GABRG2: variants seen among roughly 807,000 people sequenced by gnomAD.
GABRG2 encodes the protein gamma-aminobutyric acid receptor subunit gamma-2.
GABRG2 carries 16 observed loss-of-function variants against 56.4 expected under a neutral mutation model. The ratio of observed to expected loss-of-function variants is 0.28; its 90% confidence interval spans 0.19 to 0.43. The LOEUF is 0.43. Ranked by LOEUF, GABRG2 falls within the 20% of genes least tolerant of loss-of-function variation. The pLI, the probability that GABRG2 is intolerant of heterozygous loss-of-function variation, is 1.00. For synonymous variants in GABRG2, 208 were observed against 205.5 expected, an observed-to-expected ratio of 1.01 and a Z score of -0.10; for missense variants, 327 against 582.7, an observed-to-expected ratio of 0.56 and a Z score of 4.52.
chr5:162,073,043 A>G lies in GABRG2; in HGVS notation c.107+4937A>G, dbSNP rs548752563. On this transcript the variant is annotated intron_variant, in intron 1 of 9. Coordinates refer to ENST00000639213, the MANE Select transcript of GABRG2 (RefSeq NM_198904.4). ...AGACTGGATGATCTATAAGTTATTT[A>G]CTAGTTTTAATATTCATGATTCTCT... Among the ~76,000 whole-genome samples the G allele has an allele frequency of 5.9e-5, 9 of 151,886 alleles. No homozygotes were observed. In the South Asian group the frequency reaches 1.4e-3, roughly 24 times the overall value.
intron 6 of GABRG2, among the ~76,000 whole-genome samples, chr5:162,118,900 G>T (rs768406415): frequency 2.0e-5 from 3 of 152,086 alleles, no homozygotes; most frequent in Non-Finnish European, 2.9e-5. Flanking sequence ...GATAAAGAAT[G>T]CTATACTCAG....
In GABRG2 at chr5:162,146,379, G is replaced by A. The variant is rs986316023; in HGVS notation, c.923-2729G>A. Among the ~76,000 whole-genome samples the A allele has an allele frequency of 3.9e-4, 60 of 152,052 alleles. 1 individual carries two copies. Among genetic ancestry groups the A allele is most frequent in the Middle Eastern group, 3.4e-3 (1 of 294 alleles). On this transcript the variant is annotated intron_variant, in intron 7 of 9. Coordinates refer to ENST00000639213, the MANE Select transcript of GABRG2 (RefSeq NM_198904.4). The stretch of plus-strand genomic sequence containing the variant: ...GTCACCTGTAAAAATAATAATAATA[G>A]TAATAATAATACTTACATTATAGAA...
At position 162,153,738 on chromosome 5, in the gene GABRG2, C is replaced by G; in HGVS notation, c.*370C>G. Reference sequence around the variant, plus strand: ...TAGATAGAAAAGGTCCAAAACTGTACCCTATGTTCACTCCGGGTCAAGTTG... The same window carrying G: ...TAGATAGAAAAGGTCCAAAACTGTAGCCTATGTTCACTCCGGGTCAAGTTG... On this transcript the variant is annotated 3_prime_UTR_variant, in exon 10 of 10. Transcript: ENST00000639213. 1 of 284,220 alleles carries G rather than the reference C, an allele frequency of 3.5e-6. No individual in the cohort carries two copies. The highest frequency in any genetic ancestry group is 2.2e-5 in the African/African-American group (1 of 45,834). The allele number at this position is 284,220 out of a possible 1,614,324, so 17.6% of individuals were successfully genotyped here.
At chr5:162,124,864 C>T (rs1009061516) in intron 6 of GABRG2, among the ~76,000 whole-genome samples, 8 of 151,576 alleles carry the variant, frequency 5.3e-5, no homozygotes, top group African/African-American at 1.9e-4. Context: ...TGCAAGGAAT[C>T]TCATAAGTCA....
At chr5:162,091,495 T>G (rs551621666) in intron 1 of GABRG2, among the ~76,000 whole-genome samples, 2 of 152,074 alleles carry the variant, frequency 1.3e-5, no homozygotes, top group Admixed American at 6.6e-5. Context: ...TTATCAGGGT[T>G]AAATAACTTC....
intron 1 of GABRG2, among the ~76,000 whole-genome samples, chr5:162,082,155 A>G (rs995488767): frequency 6.6e-6 from 1 of 151,820 alleles, no homozygotes; most frequent in South Asian, 2.1e-4. Context: ...GATATTAGAA[A>G]GACTAGAGAA....
chr5:162,122,601 A>T (rs1763048944), intron 6 of GABRG2, among the ~76,000 whole-genome samples: 2 of 151,762 alleles, frequency 1.3e-5, no homozygotes, highest in Non-Finnish European at 1.5e-5. Flanking sequence ...TATCTTCATG[A>T]CAGACCACCC....
chr5:162,072,039 G>A (rs1758715521), intron 1 of GABRG2, among the ~76,000 whole-genome samples: 1 of 151,882 alleles, frequency 6.6e-6, no homozygotes, highest in Non-Finnish European at 1.5e-5. Context: ...AAATTGGCTT[G>A]TAATTTAAAT....
chr5:162,079,838 A>G (rs1227822557), intron 1 of GABRG2, among the ~76,000 whole-genome samples: 1 of 152,014 alleles, frequency 6.6e-6, no homozygotes, highest in African/African-American at 2.4e-5. Flanking sequence ...GCTGGAGTGC[A>G]GTGGTGCGAT....
chr5:162,122,102 G>C (rs1222867696), intron 6 of GABRG2, among the ~76,000 whole-genome samples: 1 of 151,848 alleles, frequency 6.6e-6, no homozygotes, highest in African/African-American at 2.4e-5. Flanking sequence ...AAGAGTTCCA[G>C]ACATATATTT....
intron 6 of GABRG2, among the ~76,000 whole-genome samples, chr5:162,135,821 A>G (rs1345898872): frequency 6.6e-6 from 1 of 152,210 alleles, no homozygotes; most frequent in African/African-American, 2.4e-5. Context: ...GTAAAGAACT[A>G]CAAGAACCCC....
intron 6 of GABRG2, among the ~76,000 whole-genome samples, chr5:162,106,201 T>C (rs1270456766): frequency 2.0e-5 from 3 of 152,198 alleles, no homozygotes; most frequent in East Asian, 1.9e-4. Context: ...AGGCTATTAA[T>C]CTTCCTAAGG....
chr5:162,145,039 C>T lies in GABRG2; in HGVS notation c.922+2723C>T, dbSNP rs79641913. On this transcript the variant is annotated intron_variant, in intron 7 of 9. Transcript: ENST00000639213. Reference sequence around the variant, plus strand: ...AACCCTGCTCTAGACTTCATTGAGTCCCATTACTTTTCTCAATGTTTACAA... The same window carrying T: ...AACCCTGCTCTAGACTTCATTGAGTTCCATTACTTTTCTCAATGTTTACAA... 6.1e-3 allele frequency among the ~76,000 whole-genome samples: 929 copies of T among 151,984 alleles called. 8 individuals carry two copies. Among genetic ancestry groups the T allele is most frequent in the African/African-American group, 0.022 (900 of 41,274 alleles).
intron 1 of GABRG2, among the ~76,000 whole-genome samples, chr5:162,090,129 A>T (rs1475997199): frequency 6.6e-6 from 1 of 152,144 alleles, no homozygotes; most frequent in African/African-American, 2.4e-5. Context: ...AATTCAAATT[A>T]TGCATAAAAC....
chr5:162,084,853 G>T (rs947111604), intron 1 of GABRG2, among the ~76,000 whole-genome samples: 2 of 151,820 alleles, frequency 1.3e-5, no homozygotes, highest in African/African-American at 4.8e-5. Flanking sequence ...CAGTCAATGT[G>T]TGTTTCTGGA....
intron 6 of GABRG2, among the ~76,000 whole-genome samples, chr5:162,138,072 A>G (rs1764272457): frequency 1.3e-5 from 2 of 152,094 alleles, no homozygotes; most frequent in Non-Finnish European, 2.9e-5. Flanking sequence ...CAGTCTTGAT[A>G]ACACAGAAGT....
chr5:162,145,880 G>C (rs1764916712), intron 7 of GABRG2, among the ~76,000 whole-genome samples: 1 of 152,058 alleles, frequency 6.6e-6, no homozygotes, highest in African/African-American at 2.4e-5. Context: ...GTTGTGATTA[G>C]GTACAATGAG....
chr5:162,101,443 G>A, intron 5 of GABRG2, 126 bp downstream of exon 5: 1 of 744,092 alleles, frequency 1.3e-6, no homozygotes, highest in African/African-American at 1.7e-5. Context: ...TGACTTCGAT[G>A]ATTTTGACCA....
intron 6 of GABRG2, among the ~76,000 whole-genome samples, chr5:162,115,804 C>T (rs909079898): frequency 1.3e-5 from 2 of 151,880 alleles, no homozygotes; most frequent in Non-Finnish European, 2.9e-5. Flanking sequence ...TCCTGTGAGT[C>T]GGCAGTCAAA....
Sources: gnomAD v4.1 joint callset for allele counts (sites outside exome capture counted in the v4.1 genomes callset) on GRCh38, gnomAD v4.1.1 for gene constraint, MANE v1.5 for transcripts, NCBI Gene and HGNC (gene_info 2026-07-23, HGNC 2026-07-21) for gene names.